The following ARHGAP45 variants were observed in gnomAD, a reference collection of about 807,000 sequenced individuals.
The protein encoded by ARHGAP45 is Rho GTPase activating protein 45.
ARHGAP45 carries 56 observed loss-of-function variants against 116.1 expected under a neutral mutation model. The ratio of observed to expected loss-of-function variants is 0.48; its 90% CI spans 0.39 to 0.60. The LOEUF (loss-of-function observed/expected upper bound fraction) is 0.60. ARHGAP45 is among the 20% of genes least tolerant of loss of function. The pLI is 0.00. For synonymous variants in ARHGAP45, 866 were observed against 701.7 expected (o/e 1.23, Z -3.70); for missense variants, 1,622 against 1,601.0 (o/e 1.01, Z -0.22).
chr19:1,073,355 A>G (rs2043175265), intron 3 of ARHGAP45, 63 bp downstream of exon 3: 6 of 1,597,194 alleles, frequency 3.8e-6, no homozygotes, highest in Admixed American at 1.7e-5. Flanking sequence ...GGAGGAGGGG[A>G]TGTTTGAAGT....
chr19:1,074,820 G>T lies in ARHGAP45; in HGVS notation c.1126G>T (p.Glu376Ter). 1 of 1,420,528 alleles carries T rather than the reference G, an allele frequency of 7.0e-7. No individual in the cohort carries two copies. The highest frequency in any genetic ancestry group is 1.9e-5 in the Admixed American group (1 of 52,710). The allele number at this position is 1,420,528 out of a possible 1,614,324, so 88.0% of individuals were successfully genotyped here. ...CCAGCCCCTGACCCTGCGGCGGCTT[G>T]AACACGAGAAGCGCAGGAAGGAGAT... Reference protein sequence around the residue: ...FMQPLTLRRLEHEKRRKEIKE... With the variant: ...FMQPLTLRRL The change falls in exon 10 of 23, where the codon GAA becomes TAA. Residue 376 changes from glutamate to a stop codon, truncating the protein, a stop_gained. Transcript: ENST00000313093. LOFTEE classifies it high-confidence loss of function.
intron 10 of ARHGAP45, chr19:1,077,028 G>T: frequency 1.0e-6 from 1 of 983,112 alleles, no homozygotes; most frequent in Non-Finnish European, 1.2e-6. Flanking sequence ...GGCGCCTGGC[G>T]GTCTCCTAGT....
Position 1,068,535 on chromosome 19 carries a change from A to G in ARHGAP45, c.212A>G (p.His71Arg). 6.2e-7 allele frequency: 1 copy of G among 1,607,550 alleles called. No individual in the cohort carries two copies. The highest frequency in any genetic ancestry group is 8.5e-7 in the Non-Finnish European group (1 of 1,177,542). The change falls in exon 2 of 23, where the codon CAC (histidine) becomes CGC (arginine). Residue 71 changes from histidine (H) to arginine (R), a missense_variant. Around this residue, in one of 3 missense-constraint regions of ARHGAP45, gnomAD observed 279 missense variants for 311.9 expected, o/e 0.89. Coordinates refer to ENST00000313093, the MANE Select transcript of ARHGAP45 (RefSeq NM_012292.5). The surrounding 1 kb of genome is among the most constrained non-coding windows in gnomAD (Gnocchi z 7.5). ...AAGCGGCCCACCAGCCTGAGCCGCC[A>G]CGCCAGCGCGGCTGGCTTCCCCCTG... ...TLKRPTSLSR[H>R]ASAAGFPLSG...
At chr19:1,075,490 C>T (rs1361697542) in intron 10 of ARHGAP45, among the ~76,000 whole-genome samples, 2 of 152,024 alleles carry the variant, frequency 1.3e-5, no homozygotes, top group Non-Finnish European at 2.9e-5. Flanking sequence ...GGTGATCCAC[C>T]CGCGTCGGCC....
chr19:1,067,612 C>A, intron 1 of ARHGAP45, 117 bp downstream of exon 1: 1 of 1,014,844 alleles, frequency 9.9e-7, no homozygotes, highest in Non-Finnish European at 1.5e-6. Flanking sequence ...CAGCTACAGC[C>A]CCTACCGGGC....
At chr19:1,079,141 C>G (rs528120713) in intron 11 of ARHGAP45, among the ~76,000 whole-genome samples, 34 of 149,500 alleles carry the variant, frequency 2.3e-4, no homozygotes, top group Non-Finnish European at 3.8e-4. Context: ...GATCGCGCCA[C>G]TGCACTCCAG....
intron 21 of ARHGAP45, 140 bp downstream of exon 21, chr19:1,083,493 C>CTGTCTTTTTG: frequency 1.4e-6 from 1 of 717,656 alleles, no homozygotes; most frequent in Non-Finnish European, 2.3e-6. Context: ...CGGGAGGCCA[C>CTGTCTTTTTG]TGTCTTTTTG....
rs964072227 is a variant in ARHGAP45 at position 1,086,223 on chromosome 19, C to T, written c.*217C>T. 9 of 557,174 alleles carry T rather than the reference C, an allele frequency of 1.6e-5. No individual in the cohort carries two copies. Among genetic ancestry groups the T allele is most frequent in the Non-Finnish European group, 2.9e-5 (9 of 311,348 alleles). 34.5% of individuals were successfully genotyped at this position (557,174 alleles called of 1,614,324 possible). Reference sequence around the variant, plus strand: ...GGACTGTGCCCTGTGCTGTCCCCTGCACCCCGGCTCAGCTGAGCTGGGGAA... The same window carrying T: ...GGACTGTGCCCTGTGCTGTCCCCTGTACCCCGGCTCAGCTGAGCTGGGGAA... On this transcript the variant is annotated 3_prime_UTR_variant, in exon 23 of 23. Transcript: ENST00000313093.
At chr19:1,066,201 G>A (rs999557644), upstream of ARHGAP45, 2 of 1,527,956 alleles carry the variant, frequency 1.3e-6, no homozygotes, top group Non-Finnish European at 1.8e-6. Context: ...AAAGAGGTTG[G>A]GGTTTTGGGA....
In ARHGAP45 at chr19:1,081,735, C is replaced by T; in HGVS notation, c.2376C>T (p.Thr792=). The T allele has an allele frequency of 6.4e-7, 1 of 1,565,912 alleles. No homozygotes were observed. The highest frequency in any genetic ancestry group is 8.7e-7 in the Non-Finnish European group (1 of 1,154,766). ...VCEIERRALR[T]KGIYRVNGVK... The stretch of plus-strand genomic sequence containing the variant: ...AGATCGAGCGGCGGGCGCTGCGCAC[C>T]AAGGTGAGGCGGGGGAGGAAGCGGC... Residue 792 remains threonine, a synonymous_variant, in exon 18 of 23, where the codon ACC becomes ACT. Coordinates refer to ENST00000313093, the MANE Select transcript of ARHGAP45 (RefSeq NM_012292.5).
chr19:1,081,002 A>C lies in ARHGAP45; in HGVS notation c.2128A>C (p.Thr710Pro), dbSNP rs1599768194. 1 of 1,608,096 alleles carries C rather than the reference A, an allele frequency of 6.2e-7. No homozygotes were observed. The highest frequency in any genetic ancestry group is 8.5e-7 in the Non-Finnish European group (1 of 1,178,238). ...ARTHRLRKLR[T>P]PAKCRECNSY... The stretch of plus-strand genomic sequence containing the variant: ...TACTCACCGGCTCCGGAAGCTCCGC[A>C]CGCCCGCCAAGTGCCGCGAGTGCAA... Residue 710 changes from threonine (T) to proline (P), a missense_variant, in exon 17 of 23, where the codon ACG becomes CCG. Transcript: ENST00000313093.
rs896446905 is a variant in ARHGAP45 at position 1,085,813 on chromosome 19, G to T, written c.3218G>T (p.Gly1073Val). The change falls in exon 23 of 23, where the codon GGC becomes GTC. Residue 1073 changes from glycine (G) to valine (V), a missense_variant. By Grantham distance (109) the Gly-to-Val change is moderately radical (BLOSUM62 -3). This residue lies in a region of ARHGAP45 where 1,334 missense variants were observed against 1,263.8 expected (regional missense o/e 1.06). Coordinates refer to ENST00000313093, the MANE Select transcript of ARHGAP45 (RefSeq NM_012292.5). ...SLEVASGSHS[G>V]SEEQLEATAR... ...GAGGTGGCTTCTGGCAGCCACAGCGGCAGTGAGGAGCAGCTGGAGGCCACA... is the reference window on the plus strand; with the variant it reads ...GAGGTGGCTTCTGGCAGCCACAGCGTCAGTGAGGAGCAGCTGGAGGCCACA... 16 of 1,612,646 alleles carry T rather than the reference G, an allele frequency of 9.9e-6. No individual in the cohort carries two copies. Among genetic ancestry groups the T allele is most frequent in the Non-Finnish European group, 1.3e-5 (15 of 1,179,902 alleles).
At chr19:1,083,416 G>A in intron 21 of ARHGAP45, 63 bp downstream of exon 21, 1 of 1,406,902 alleles carries the variant, frequency 7.1e-7, no homozygotes, top group Non-Finnish European at 9.7e-7. Context: ...GGCGCTGCTG[G>A]GGACAGTCGT....
In ARHGAP45 at chr19:1,085,944, A is replaced by G. The variant is rs1754286828; in HGVS notation, c.3349A>G (p.Arg1117Gly). 1 of 1,612,932 alleles carries G rather than the reference A, an allele frequency of 6.2e-7. No homozygotes were observed. The highest frequency in any genetic ancestry group is 8.5e-7 in the Non-Finnish European group (1 of 1,179,934). The change falls in exon 23 of 23, where the codon AGG (arginine) becomes GGG (glycine). Residue 1117 changes from arginine to glycine, a missense_variant. Physicochemically the swap from Arg to Gly is moderately radical, Grantham distance 125 (BLOSUM62 -2). Transcript: ENST00000313093. ...GCTGCAGGCCCCACTGCCCCCCATG[A>G]GGCTCCGTGGCGGGCGGATGACACT... is the stretch of plus-strand genomic sequence containing the variant. ...NVLQAPLPPM[R>G]LRGGRMTLGS...
Position 1,074,144 on chromosome 19 carries a change from C to T in ARHGAP45, c.831C>T (p.Arg277=), listed in dbSNP as rs910181824. Residue 277 remains arginine (R), a synonymous_variant, in exon 7 of 23, where the codon CGC becomes CGT. Coordinates refer to ENST00000313093, the MANE Select transcript of ARHGAP45 (RefSeq NM_012292.5). Reference sequence around the variant, plus strand: ...AGGAGGTGGACGTGCTGCTACAGCGCTGTGAGGGGGGCGTGGATGCCGCAC... The same window carrying T: ...AGGAGGTGGACGTGCTGCTACAGCGTTGTGAGGGGGGCGTGGATGCCGCAC... ...PAEEVDVLLQ[R]CEGGVDAALL... 7 of 1,613,364 alleles carry T rather than the reference C, an allele frequency of 4.3e-6. No individual in the cohort carries two copies. The highest frequency in any genetic ancestry group is 1.1e-5 in the South Asian group (1 of 91,086).
chr19:1,082,884 A>C lies in ARHGAP45; in HGVS notation c.2562A>C (p.Val854=). The change falls in exon 20 of 23, where the codon GTA becomes GTC. Residue 854 remains valine (V), a synonymous_variant. Transcript: ENST00000313093. ...LISFRLYHEL[V]GLAKDSLKAE... is the part of the protein sequence containing the mutation. ...CCTTCCGCCTCTACCACGAGCTCGT[A>C]GGGCTGGCCAAGGACAGCCTGAAGG... 1 of 1,582,828 alleles carries C rather than the reference A, an allele frequency of 6.3e-7. No homozygotes were observed. The highest frequency in any genetic ancestry group is 1.8e-5 in the Admixed American group (1 of 55,330).
chr19:1,080,621 C>G (rs1318742758), intron 15 of ARHGAP45, 61 bp from the exon 16 acceptor site: 4 of 1,593,644 alleles, frequency 2.5e-6, no homozygotes, highest in Non-Finnish European at 3.4e-6. Flanking sequence ...CATCACCCAC[C>G]GGGGTGATGG....
At chr19:1,077,828 A>G in intron 10 of ARHGAP45, 29 bp from the exon 11 acceptor site, 1 of 1,550,962 alleles carries the variant, frequency 6.4e-7, no homozygotes, top group Non-Finnish European at 8.7e-7. Context: ...ATAGGGTTGG[A>G]ACTGGCCTCC....
At chr19:1,077,535 C>T (rs911403075) in intron 10 of ARHGAP45, 1 of 1,072,222 alleles carries the variant, frequency 9.3e-7, no homozygotes, top group East Asian at 3.4e-5. Flanking sequence ...AAGCGTGCAC[C>T]ACAATGCCCG....
Sources: allele counts gnomAD v4.1 joint callset (sites outside exome capture counted in the v4.1 genomes callset), GRCh38; gene constraint gnomAD v4.1.1; regional missense constraint gnomAD v4.1.1; non-coding constraint Gnocchi (gnomAD v3.1); transcripts MANE v1.5; gene names NCBI Gene and HGNC (gene_info 2026-07-23, HGNC 2026-07-21).